Variants in ERICH3 observed in about 807,000 individuals in gnomAD.
ERICH3 encodes glutamate rich 3.
ERICH3 carries 126 observed loss-of-function variants against 131.1 expected under a neutral mutation model. The observed-to-expected ratio is 0.96, with a 90% CI of 0.83 to 1.11. The LOEUF (loss-of-function observed/expected upper bound fraction) is 1.11. Among genes scored for constraint, ERICH3 ranks in the 50% most tolerant of loss-of-function variants. The pLI is 0.00. For missense variants in ERICH3, 2,050 were observed against 1,810.7 expected (o/e 1.13, Z -2.40); for synonymous variants, 695 against 644.6 (o/e 1.08, Z -1.18).
intron 11 of ERICH3, among the ~76,000 whole-genome samples, chr1:74,594,255 A>T (rs184588081): frequency 5.1e-4 from 76 of 150,220 alleles, no homozygotes; most frequent in African/African-American, 1.8e-3. Flanking sequence ...CACTGTGGGG[A>T]CACTCACAAA....
chr1:74,597,846 C>T (rs1275329683), intron 11 of ERICH3, among the ~76,000 whole-genome samples: 3 of 151,874 alleles, frequency 2.0e-5, no homozygotes, highest in East Asian at 1.9e-4. Context: ...TTAAAATTCA[C>T]GTGGAACCAA....
intron 11 of ERICH3, among the ~76,000 whole-genome samples, chr1:74,591,758 T>C (rs1647617064): frequency 6.6e-6 from 1 of 152,136 alleles, no homozygotes; most frequent in South Asian, 2.1e-4. Flanking sequence ...CTGCATACAT[T>C]GCTACAGGCC....
Position 74,571,452 on chromosome 1 carries a change from C to A in ERICH3, c.4258G>T (p.Glu1420Ter). Residue 1420 changes from glutamate to a stop codon, truncating the protein, a stop_gained, in exon 14 of 15, where the codon GAG (glutamate) becomes TAG (stop). Transcript: ENST00000326665. LOFTEE classifies it high-confidence loss of function. ...TCTGTTGTATATGTCACTGTCATCTCCTCTGCTGCTGGCACTTCCTCCCCA... is the reference window on the plus strand; with the variant it reads ...TCTGTTGTATATGTCACTGTCATCTACTCTGCTGCTGGCACTTCCTCCCCA... ...RSGEEVPAAE[E>*]MTVTYTTEAG... 6.2e-7 allele frequency: 1 copy of A among 1,614,088 alleles called. No homozygotes were observed. The highest frequency in any genetic ancestry group is 8.5e-7 in the Non-Finnish European group (1 of 1,179,994).
chr1:74,587,375 A>C (rs1647383825), intron 12 of ERICH3, among the ~76,000 whole-genome samples: 1 of 151,744 alleles, frequency 6.6e-6, no homozygotes, highest in Non-Finnish European at 1.5e-5. Context: ...ACAGTCCCAA[A>C]CCTTGCCATC....
rs180780655 is a variant in ERICH3, at chr1:74,641,359, T to C, written c.416A>G (p.Asp139Gly). 2.0e-4 allele frequency: 315 copies of C among 1,612,856 alleles called. 5 individuals carry two copies. In the East Asian group the frequency reaches 7.0e-3, roughly 36 times the overall value. ...KSNRGHSVLVDEGHSSPLALT... is the reference protein window; with the variant it reads ...KSNRGHSVLVGEGHSSPLALT... ...TGCTAACGGACTGGAATGTCCTTCA[T>C]CAACCAGAACACTATGGCCACGATT... Residue 139 changes from aspartate (D) to glycine (G), a missense_variant, in exon 5 of 15, where the codon GAT becomes GGT. Coordinates refer to ENST00000326665, the MANE Select transcript of ERICH3 (RefSeq NM_001002912.5).
intron 5 of ERICH3, among the ~76,000 whole-genome samples, chr1:74,639,455 T>A (rs1646418930): frequency 6.6e-6 from 1 of 152,206 alleles, no homozygotes; most frequent in African/African-American, 2.4e-5. Context: ...TACAAATTGT[T>A]GTAGTTCACA....
chr1:74,666,458 A>G (rs568308089), intron 1 of ERICH3, among the ~76,000 whole-genome samples: 10 of 152,300 alleles, frequency 6.6e-5, no homozygotes, highest in South Asian at 2.1e-4. Flanking sequence ...GTAAGGTATG[A>G]TTTTTCAAGC....
intron 1 of ERICH3, among the ~76,000 whole-genome samples, chr1:74,670,160 T>C (rs1392339973): frequency 6.6e-6 from 1 of 152,126 alleles, no homozygotes; most frequent in Non-Finnish European, 1.5e-5. Context: ...TTACTTTTGA[T>C]AAATTACAAC....
At chr1:74,666,754 C>T (rs1646696711) in intron 1 of ERICH3, among the ~76,000 whole-genome samples, 3 of 150,638 alleles carry the variant, frequency 2.0e-5, no homozygotes, top group South Asian at 4.3e-4. Flanking sequence ...TTAGTTAGCA[C>T]AACATGCAAA....
At chr1:74,583,519 T>C (rs1647216562) in intron 12 of ERICH3, among the ~76,000 whole-genome samples, 1 of 152,052 alleles carries the variant, frequency 6.6e-6, no homozygotes, top group African/African-American at 2.4e-5. Context: ...GTCTGTCTTA[T>C]TATACTGTAC....
chr1:74,618,947 G>C (rs1000988492), intron 8 of ERICH3, among the ~76,000 whole-genome samples: 3 of 152,052 alleles, frequency 2.0e-5, no homozygotes, highest in African/African-American at 7.2e-5. Context: ...TTGTAGAAAG[G>C]GCAGATTCTT....
chr1:74,649,400 G>T, intron 1 of ERICH3, 85 bp from the exon 2 acceptor site: 3 of 985,448 alleles, frequency 3.0e-6, no homozygotes, highest in Non-Finnish European at 4.7e-6. Flanking sequence ...CCCAAATAGT[G>T]CATAATCATT....
At chr1:74,583,259 C>T (rs1454981210) in intron 12 of ERICH3, among the ~76,000 whole-genome samples, 9 of 152,074 alleles carry the variant, frequency 5.9e-5, no homozygotes, top group African/African-American at 1.7e-4. Context: ...TAGGAGTCTC[C>T]CCTTATCTGC....
intron 9 of ERICH3, 111 bp downstream of exon 9, chr1:74,612,512 C>T (rs1039267544): frequency 1.3e-5 from 12 of 901,634 alleles, no homozygotes; most frequent in African/African-American, 3.3e-5. Flanking sequence ...TATTGTAGGC[C>T]CATCTATACT....
intron 12 of ERICH3, among the ~76,000 whole-genome samples, chr1:74,584,102 A>G (rs1383531570): frequency 1.3e-5 from 2 of 152,046 alleles, no homozygotes; most frequent in Non-Finnish European, 2.9e-5. Context: ...CTTCCCAACA[A>G]CTCACCATGA....
intron 12 of ERICH3, chr1:74,579,833 A>C (rs986739824): frequency 6.1e-6 from 6 of 985,068 alleles, no homozygotes; most frequent in Non-Finnish European, 7.2e-6. Context: ...TGACCACTGG[A>C]GGCAAAGGTG....
intron 9 of ERICH3, among the ~76,000 whole-genome samples, chr1:74,611,914 T>C (rs1049787654): frequency 1.3e-5 from 2 of 152,180 alleles, no homozygotes; most frequent in African/African-American, 4.8e-5. Context: ...GCTTTGTAGG[T>C]ACGTTATTAG....
At chr1:74,658,635 C>T (rs1245648518) in intron 1 of ERICH3, among the ~76,000 whole-genome samples, 2 of 151,946 alleles carry the variant, frequency 1.3e-5, no homozygotes, top group Non-Finnish European at 2.9e-5. Flanking sequence ...AGAGCTTCAT[C>T]CAAATGTCTG....
chr1:74,672,850 G>A (rs1287187212), intron 1 of ERICH3, among the ~76,000 whole-genome samples: 5 of 151,910 alleles, frequency 3.3e-5, no homozygotes, highest in Non-Finnish European at 7.4e-5. Context: ...GCCAAAATAG[G>A]TTATCTAAGG....
Sources: gnomAD v4.1 joint callset for allele counts (sites outside exome capture counted in the v4.1 genomes callset) on GRCh38, gnomAD v4.1.1 for gene constraint, MANE v1.5 for transcripts, NCBI Gene and HGNC (gene_info 2026-07-23, HGNC 2026-07-21) for gene names.